The following PPM1E variants were observed in gnomAD, a reference collection of about 807,000 sequenced individuals.
PPM1E encodes protein phosphatase 1E.
PPM1E carries 20 observed loss-of-function variants against 65.9 expected under a neutral mutation model. The ratio of observed to expected loss-of-function variants is 0.30; its 90% CI spans 0.21 to 0.44. PPM1E has a LOEUF of 0.44. Ranked by LOEUF, PPM1E falls within the 20% of genes least tolerant of loss-of-function variation. The pLI, the probability that PPM1E is intolerant of heterozygous loss-of-function variation, is 1.00. For synonymous variants in PPM1E, 352 were observed against 374.9 expected (o/e 0.94, Z 0.70); for missense variants, 713 against 953.1 (o/e 0.75, Z 3.32).
At chr17:58,960,913 A>G (rs1276576436) in intron 2 of PPM1E, among the ~76,000 whole-genome samples, 1 of 152,128 alleles carries the variant, frequency 6.6e-6, no homozygotes, top group East Asian at 1.9e-4. Flanking sequence ...AATTTAAAAA[A>G]CAATATAATT....
intron 1 of PPM1E, among the ~76,000 whole-genome samples, chr17:58,766,710 G>A (rs1311087019): frequency 6.6e-6 from 1 of 151,928 alleles, no homozygotes; most frequent in Non-Finnish European, 1.5e-5. Context: ...AATCTAATAT[G>A]TTATTACATA....
chr17:58,942,183 C>T (rs1041935152), intron 1 of PPM1E, among the ~76,000 whole-genome samples: 14 of 151,808 alleles, frequency 9.2e-5, no homozygotes, highest in African/African-American at 3.1e-4. Context: ...AGTAGGAGTT[C>T]GAGACTAGCC....
chr17:58,955,920 CA>C (rs971857247), intron 2 of PPM1E, among the ~76,000 whole-genome samples, 153 bp downstream of exon 2: 2 of 151,568 alleles, frequency 1.3e-5, no homozygotes, highest in African/African-American at 4.9e-5. Context: ...CAACTTTTTT[CA>C]AATAAATCAA....
intron 1 of PPM1E, among the ~76,000 whole-genome samples, chr17:58,820,043 A>T (rs72828712): frequency 0.15 from 22,434 of 151,992 alleles, 2,051 homozygotes; most frequent in Middle Eastern, 0.21. Flanking sequence ...TTTCAAACAA[A>T]AAATAAATAA....
At chr17:58,880,662 C>T (rs924063815) in intron 1 of PPM1E, among the ~76,000 whole-genome samples, 3 of 152,108 alleles carry the variant, frequency 2.0e-5, no homozygotes, top group East Asian at 1.9e-4. Context: ...CTTACTCTGT[C>T]GCCCAGGCTG....
chr17:58,881,475 A>G (rs2051193620), intron 1 of PPM1E, among the ~76,000 whole-genome samples: 1 of 152,082 alleles, frequency 6.6e-6, no homozygotes, highest in South Asian at 2.1e-4. Context: ...CAGCCTGGCT[A>G]AGATGGTGAA....
intron 6 of PPM1E, 55 bp downstream of exon 6, chr17:58,972,980 T>C (rs1439294337): frequency 4.0e-6 from 5 of 1,257,088 alleles, no homozygotes; most frequent in Non-Finnish European, 5.8e-6. Context: ...CTCATTCTCC[T>C]GTATCAACTC....
intron 1 of PPM1E, among the ~76,000 whole-genome samples, chr17:58,922,712 T>G (rs1365996669): frequency 1.4e-5 from 2 of 145,130 alleles, no homozygotes; most frequent in Admixed American, 7.0e-5. Context: ...TGAGATGGAG[T>G]CTCACTCTGT....
rs369014472 is a variant in PPM1E, at chr17:58,824,704, T to G, written c.464+68243T>G. ...CCCGGGTTCACACCATTCTCTGGCCTCAGGCTCCCGAGTAGCTGGGACTAC... is the reference window on the plus strand; with the variant it reads ...CCCGGGTTCACACCATTCTCTGGCCGCAGGCTCCCGAGTAGCTGGGACTAC... On this transcript the variant is annotated intron_variant, in intron 1 of 6. Coordinates refer to ENST00000308249, the MANE Select transcript of PPM1E (RefSeq NM_014906.5). 2.2e-4 allele frequency among the ~76,000 whole-genome samples: 33 copies of G among 151,498 alleles called. No individual in the cohort carries two copies. The East Asian group carries it at 6.3e-3, about 29-fold the overall frequency.
At chr17:58,816,741 AATATATAT>A (rs67568496) in intron 1 of PPM1E, among the ~76,000 whole-genome samples, 880 of 84,960 alleles carry the variant, frequency 0.01, 9 homozygotes, top group Middle Eastern at 0.02. Flanking sequence ...TCAGAATATA[AATATATAT>A]ATATATATAT....
intron 1 of PPM1E, among the ~76,000 whole-genome samples, chr17:58,774,240 G>A (rs2049971228): frequency 6.6e-6 from 1 of 151,304 alleles, no homozygotes; most frequent in African/African-American, 2.4e-5. Flanking sequence ...GAGAATGTAA[G>A]AATCCAAATT....
intron 1 of PPM1E, chr17:58,785,373 A>C (rs2050088737): frequency 1.4e-5 from 2 of 146,886 alleles, no homozygotes; most frequent in African/African-American, 5.0e-5. Context: ...TGGTATAATC[A>C]TAGTTCACTG....
chr17:58,828,090 G>A (rs1374404186), intron 1 of PPM1E, among the ~76,000 whole-genome samples: 1 of 151,514 alleles, frequency 6.6e-6, no homozygotes, highest in Non-Finnish European at 1.5e-5. Context: ...GTGATGGCAG[G>A]TGCCTGTAAT....
chr17:58,817,491 AT>A (rs1343124541), intron 1 of PPM1E, among the ~76,000 whole-genome samples: 1 of 152,118 alleles, frequency 6.6e-6, no homozygotes, highest in Non-Finnish European at 1.5e-5. Flanking sequence ...GGGTAATAAC[AT>A]TTCTATATTT....
intron 1 of PPM1E, among the ~76,000 whole-genome samples, chr17:58,953,007 C>CTAT (rs1200151877): frequency 6.6e-6 from 1 of 152,124 alleles, no homozygotes. Flanking sequence ...AGCTCCTTAA[C>CTAT]TATTGTTCCA....
intron 1 of PPM1E, among the ~76,000 whole-genome samples, chr17:58,824,112 A>G (rs1305323223): frequency 6.6e-6 from 1 of 152,198 alleles, no homozygotes; most frequent in African/African-American, 2.4e-5. Flanking sequence ...TTTTTAAAAC[A>G]TGAGTTAGAG....
chr17:58,910,164 C>T (rs1006227374), intron 1 of PPM1E, among the ~76,000 whole-genome samples: 1 of 151,910 alleles, frequency 6.6e-6, no homozygotes, highest in Non-Finnish European at 1.5e-5. Context: ...CGTTGCCCCA[C>T]AGTTCTTGAG....
At chr17:58,897,593 G>A (rs1204608747) in intron 1 of PPM1E, among the ~76,000 whole-genome samples, 1 of 152,136 alleles carries the variant, frequency 6.6e-6, no homozygotes, top group East Asian at 1.9e-4. Flanking sequence ...CATGTTTTAA[G>A]AGAAACATTT....
chr17:58,895,281 A>G (rs1350918627), intron 1 of PPM1E, among the ~76,000 whole-genome samples: 1 of 152,104 alleles, frequency 6.6e-6, no homozygotes, highest in African/African-American at 2.4e-5. Flanking sequence ...ACACAACACT[A>G]TTGAAATTAG....
Sources: allele counts gnomAD v4.1 joint callset (sites outside exome capture counted in the v4.1 genomes callset), GRCh38; gene constraint gnomAD v4.1.1; transcripts MANE v1.5; gene names NCBI Gene and HGNC (gene_info 2026-07-23, HGNC 2026-07-21).